The following CDC73 variants were observed in gnomAD, a reference collection of about 807,000 sequenced individuals.
The protein encoded by CDC73 is parafibromin.
Under a neutral mutation model 83.7 loss-of-function variants are expected in CDC73, and 21 were observed. The observed-to-expected ratio is 0.25, with a 90% CI of 0.18 to 0.36. CDC73 has a LOEUF of 0.36. Ranked by LOEUF, CDC73 falls within the 10% of genes least tolerant of loss-of-function variation. CDC73 has a pLI of 1.00. For missense variants in CDC73, 342 were observed against 653.3 expected, an observed-to-expected ratio of 0.52 and a Z score of 5.19; for synonymous variants, 224 against 212.9, an observed-to-expected ratio of 1.05 and a Z score of -0.45.
At chr1:193,128,318 G>A (rs1264350111) in intron 2 of CDC73, among the ~76,000 whole-genome samples, 1 of 151,572 alleles carries the variant, frequency 6.6e-6, no homozygotes, top group Non-Finnish European at 1.5e-5. Context: ...TTTTGAGACA[G>A]AGTCTTGCTC....
intron 15 of CDC73, among the ~76,000 whole-genome samples, chr1:193,238,069 G>T (rs1395507382): frequency 6.6e-6 from 1 of 152,222 alleles, no homozygotes; most frequent in South Asian, 2.1e-4. Context: ...TATAAATGTT[G>T]TATGAAATTC....
rs981922949 is a variant in CDC73 at position 193,252,930 on chromosome 1, C to T, written c.*2218C>T. 2 of 231,328 alleles carry T rather than the reference C, an allele frequency of 8.6e-6. No individual in the cohort carries two copies. Among genetic ancestry groups the T allele is most frequent in the Non-Finnish European group, 1.7e-5 (2 of 116,974 alleles). The allele number at this position is 231,328 out of a possible 1,614,324, so 14.3% of individuals were successfully genotyped here. On this transcript the variant is annotated 3_prime_UTR_variant, in exon 17 of 17. Transcript: ENST00000367435. ...AAAGTGTAGTTCGACTCTTCTTGGT[C>T]TTGGAGTTTGAGAGTACAGAATTAC...
intron 1 of CDC73, among the ~76,000 whole-genome samples, chr1:193,124,088 G>A (rs922825498): frequency 5.3e-5 from 8 of 152,228 alleles, no homozygotes; most frequent in South Asian, 2.1e-4. Context: ...ATAAAGAACT[G>A]GAAAGTAAAT....
At chr1:193,249,679 T>C (rs1244337686) in intron 15 of CDC73, 51 bp from the exon 16 acceptor site, 3 of 1,393,082 alleles carry the variant, frequency 2.2e-6, no homozygotes, top group Admixed American at 3.6e-5. Context: ...AATTTTTTTC[T>C]TTTTTTTTAT....
intron 10 of CDC73, among the ~76,000 whole-genome samples, chr1:193,163,148 GGGTTGTGT>G (rs1326825620): frequency 1.3e-5 from 1 of 78,656 alleles, no homozygotes; most frequent in East Asian, 2.4e-4. Context: ...GAACTTTGTG[GGGTTGTGT>G]GTGTGTGTGT....
At chr1:193,203,294 A>G (rs1677122999) in intron 10 of CDC73, among the ~76,000 whole-genome samples, 1 of 152,082 alleles carries the variant, frequency 6.6e-6, no homozygotes, top group Admixed American at 6.5e-5. Context: ...TTCTTTATAA[A>G]TGTGATTTTT....
intron 10 of CDC73, among the ~76,000 whole-genome samples, chr1:193,169,050 G>A (rs1232715963): frequency 2.0e-5 from 3 of 151,994 alleles, no homozygotes; most frequent in Non-Finnish European, 4.4e-5. Flanking sequence ...TTGGCTCACT[G>A]CTGTATTTTG....
intron 11 of CDC73, among the ~76,000 whole-genome samples, chr1:193,206,251 A>G (rs908427606): frequency 1.3e-5 from 2 of 152,170 alleles, no homozygotes; most frequent in African/African-American, 2.4e-5. Context: ...CTTTTTAGCT[A>G]AAGTGCCCTG....
intron 10 of CDC73, among the ~76,000 whole-genome samples, chr1:193,191,720 A>T: frequency 6.6e-6 from 1 of 152,234 alleles, no homozygotes; most frequent in South Asian, 2.1e-4. Context: ...TTTTATTTGT[A>T]TTAGTGTATT....
chr1:193,244,232 A>G (rs1677912550), intron 15 of CDC73, among the ~76,000 whole-genome samples: 1 of 152,238 alleles, frequency 6.6e-6, no homozygotes, highest in Non-Finnish European at 1.5e-5. Context: ...TTTTAGTACA[A>G]CTAGTTGGGA....
At chr1:193,162,561 A>T (rs961799408) in intron 10 of CDC73, among the ~76,000 whole-genome samples, 22 of 151,092 alleles carry the variant, frequency 1.5e-4, no homozygotes, top group Non-Finnish European at 1.5e-4. Flanking sequence ...TTTAGTAGAG[A>T]TTTCACCATG....
chr1:193,138,336 T>C (rs992063672), intron 6 of CDC73, among the ~76,000 whole-genome samples, 163 bp downstream of exon 6: 39 of 152,228 alleles, frequency 2.6e-4, no homozygotes, highest in African/African-American at 9.2e-4. Flanking sequence ...TTGGAAGTCA[T>C]TGTGTTTATC....
rs776793164 is a variant in CDC73 at position 193,220,157 on chromosome 1, CTT to C, written c.1154+7706_1154+7707del. ...TTTCTCAGTAAAGTAACAATGATAA[CTT>C]TTTTTTTTTTTTTTTTTTTTTTTTT... On this transcript the variant is annotated intron_variant, in intron 13 of 16. Coordinates refer to ENST00000367435, the MANE Select transcript of CDC73 (RefSeq NM_024529.5). Among the ~76,000 whole-genome samples the C allele has an allele frequency of 6.4e-3, 690 of 108,630 alleles. 1 individual carries two copies. Among genetic ancestry groups the C allele is most frequent in the South Asian group, 0.014 (45 of 3,256 alleles). 71.3% of individuals were successfully genotyped at this position (108,630 alleles called of 152,430 possible).
intron 10 of CDC73, among the ~76,000 whole-genome samples, chr1:193,165,488 C>A (rs1676420785): frequency 6.6e-6 from 1 of 152,122 alleles, no homozygotes; most frequent in South Asian, 2.1e-4. Context: ...TACACAGTCT[C>A]AGGATGGACA....
chr1:193,134,388 G>A (rs1324156447), intron 3 of CDC73, among the ~76,000 whole-genome samples: 1 of 151,910 alleles, frequency 6.6e-6, no homozygotes. Flanking sequence ...TGGTTAAAGA[G>A]GGCCGGGCAC....
At chr1:193,172,015 C>T (rs1372205712) in intron 10 of CDC73, among the ~76,000 whole-genome samples, 8 of 152,080 alleles carry the variant, frequency 5.3e-5, no homozygotes, top group Non-Finnish European at 1.5e-5. Context: ...ACCTCTGTCT[C>T]CTGGATTCAA....
rs551317442 is a variant in CDC73, at chr1:193,196,510, A to G, written c.973-7285A>G. ...TAGGATGAGTTTTTCTATTTCTGCA[A>G]AAATGTTGAGTTTTGATAGGGATTG... On this transcript the variant is annotated intron_variant, in intron 10 of 16. Coordinates refer to ENST00000367435, the MANE Select transcript of CDC73 (RefSeq NM_024529.5). Among the ~76,000 whole-genome samples, 20 of 152,304 alleles carry G rather than the reference A, an allele frequency of 1.3e-4. No homozygotes were observed. In the South Asian group the frequency reaches 3.9e-3, roughly 30 times the overall value.
Position 193,171,259 on chromosome 1 carries a change from A to G in CDC73, c.972+18815A>G, listed in dbSNP as rs540504071. Among the ~76,000 whole-genome samples, 12 of 152,344 alleles carry G rather than the reference A, an allele frequency of 7.9e-5. No individual in the cohort carries two copies. The South Asian group carries it at 2.3e-3, about 29-fold the overall frequency. ...ACCTCTGTTCATTTTCTATTGTCAC[A>G]GTAATAAATTACTAGAAGTTTGGCA... On this transcript the variant is annotated intron_variant, in intron 10 of 16. Transcript: ENST00000367435.
chr1:193,152,981 C>T (rs543925007), intron 10 of CDC73, among the ~76,000 whole-genome samples: 39 of 152,156 alleles, frequency 2.6e-4, no homozygotes, highest in African/African-American at 9.2e-4. Flanking sequence ...CGGGGTTTCG[C>T]TGTGGTCTGG....
Sources: gnomAD v4.1 joint callset for allele counts (sites outside exome capture counted in the v4.1 genomes callset) on GRCh38, gnomAD v4.1.1 for gene constraint, MANE v1.5 for transcripts, NCBI Gene and HGNC (gene_info 2026-07-23, HGNC 2026-07-21) for gene names.